The following PPP3CA variants were observed in gnomAD, a reference collection of about 807,000 sequenced individuals.
PPP3CA encodes CAM-PRP catalytic subunit.
In PPP3CA, 14 loss-of-function variants were observed where a neutral mutation model predicts 66.5. The ratio of observed to expected loss-of-function variants is 0.21; its 90% CI spans 0.14 to 0.33. PPP3CA has a LOEUF of 0.33. PPP3CA is among the 10% of genes least tolerant of loss of function. PPP3CA has a pLI of 1.00. For missense variants in PPP3CA, 317 were observed against 639.5 expected (o/e 0.50, Z 5.44); for synonymous variants, 232 against 226.2 (o/e 1.03, Z -0.23).
chr4:101,276,437 G>T (rs1727497199), intron 1 of PPP3CA, among the ~76,000 whole-genome samples: 1 of 152,126 alleles, frequency 6.6e-6, no homozygotes, highest in Admixed American at 6.5e-5. Context: ...AAATTAAACA[G>T]TTTAAAATAG....
chr4:101,107,012 T>C (rs1560605692), intron 3 of PPP3CA, among the ~76,000 whole-genome samples: 1 of 152,212 alleles, frequency 6.6e-6, no homozygotes, highest in Non-Finnish European at 1.5e-5. Flanking sequence ...CCTAATGTGA[T>C]ATAAAGGTCT....
At position 101,032,386 on chromosome 4, in the gene PPP3CA, G is replaced by A. The variant is rs371357714; in HGVS notation, c.1242-22C>T. 5.7e-6 allele frequency: 9 copies of A among 1,574,364 alleles called. No individual in the cohort carries two copies. The East Asian group carries it at 1.1e-4, about 20-fold the overall frequency. On this transcript the variant is annotated intron_variant, in intron 11 of 13. Coordinates refer to ENST00000394854, the MANE Select transcript of PPP3CA (RefSeq NM_000944.5). ...TTCTCTGGAAGGCACAATGAGGGGC[G>A]ACATTAACTTTTAATTTCTTTTGTG...
At chr4:101,124,701 GAA>G (rs1467156012) in intron 2 of PPP3CA, among the ~76,000 whole-genome samples, 93 of 94,358 alleles carry the variant, frequency 9.9e-4, no homozygotes, top group African/African-American at 3.9e-3. Context: ...AAGAAAGAAA[GAA>G]AGAAAGAAAG....
At chr4:101,165,185 A>T (rs1723653099) in intron 2 of PPP3CA, among the ~76,000 whole-genome samples, 2 of 152,142 alleles carry the variant, frequency 1.3e-5, no homozygotes, top group African/African-American at 4.8e-5. Flanking sequence ...ATGTTGGATG[A>T]CTCTTATAAT....
chr4:101,163,675 C>G (rs1723594227), intron 2 of PPP3CA, among the ~76,000 whole-genome samples: 1 of 152,160 alleles, frequency 6.6e-6, no homozygotes, highest in African/African-American at 2.4e-5. Flanking sequence ...GTTATGGAAG[C>G]ACAGCAGTAG....
At chr4:101,040,024 T>C (rs1472888002) in intron 11 of PPP3CA, among the ~76,000 whole-genome samples, 1 of 106,034 alleles carries the variant, frequency 9.4e-6, no homozygotes, top group African/African-American at 3.2e-5. Flanking sequence ...AAACAGTAAT[T>C]TTTCTCTCAA....
At chr4:101,103,396 C>A (rs887777897) in intron 3 of PPP3CA, among the ~76,000 whole-genome samples, 3 of 152,196 alleles carry the variant, frequency 2.0e-5, no homozygotes, top group Non-Finnish European at 2.9e-5. Context: ...AATGTAGCTC[C>A]TCTAAGACAT....
intron 2 of PPP3CA, among the ~76,000 whole-genome samples, chr4:101,139,353 A>G (rs2110289874): frequency 6.6e-6 from 1 of 151,656 alleles, no homozygotes; most frequent in African/African-American, 2.4e-5. Context: ...GTCTCAAAAA[A>G]AAAAAAAAAA....
At chr4:101,099,520 G>T in intron 4 of PPP3CA, 91 bp downstream of exon 4, 1 of 613,518 alleles carries the variant, frequency 1.6e-6, no homozygotes, top group Non-Finnish European at 2.7e-6. Context: ...TTGACTTTAG[G>T]CAATAGATCA....
At chr4:101,130,019 T>G (rs1722378017) in intron 2 of PPP3CA, among the ~76,000 whole-genome samples, 1 of 151,974 alleles carries the variant, frequency 6.6e-6, no homozygotes, top group Non-Finnish European at 1.5e-5. Flanking sequence ...GTTAGAGGAA[T>G]TGCTAACTAG....
intron 1 of PPP3CA, among the ~76,000 whole-genome samples, chr4:101,307,319 C>A (rs1312151632): frequency 6.6e-6 from 1 of 152,056 alleles, no homozygotes; most frequent in African/African-American, 2.4e-5. Flanking sequence ...TCTGCAGGAA[C>A]TGAAACACAG....
intron 2 of PPP3CA, among the ~76,000 whole-genome samples, chr4:101,125,696 C>T (rs371257437): frequency 2.0e-5 from 3 of 152,168 alleles, no homozygotes; most frequent in East Asian, 1.9e-4. Flanking sequence ...TTGCAGTAGC[C>T]ATTCCAGTGC....
In PPP3CA at chr4:101,333,994, G is replaced by A. The variant is rs113265110; in HGVS notation, c.58+12745C>T. Among the ~76,000 whole-genome samples the A allele has an allele frequency of 7.6e-3, 1,151 of 152,290 alleles. 13 individuals are homozygous for A. The highest frequency in any genetic ancestry group is 0.026 in the African/African-American group (1,099 of 41,562). On this transcript the variant is annotated intron_variant, in intron 1 of 13. Transcript: ENST00000394854. ...TGGGCACTAAAAGTCTGACACATACGTGAGCAGGATGGGTAGATGGATGGC... is the reference window on the plus strand; with the variant it reads ...TGGGCACTAAAAGTCTGACACATACATGAGCAGGATGGGTAGATGGATGGC...
intron 1 of PPP3CA, among the ~76,000 whole-genome samples, chr4:101,305,882 CA>C (rs58844388): frequency 0.1 from 15,691 of 152,036 alleles, 2,757 homozygotes; most frequent in African/African-American, 0.36. Context: ...AGGAAAGTAC[CA>C]AAATATAATC....
chr4:101,035,876 C>G (rs1425175593), intron 11 of PPP3CA, among the ~76,000 whole-genome samples: 1 of 152,088 alleles, frequency 6.6e-6, no homozygotes, highest in Admixed American at 6.6e-5. Flanking sequence ...GACTCTTTGC[C>G]CTAGGTGTTG....
intron 9 of PPP3CA, among the ~76,000 whole-genome samples, chr4:101,062,938 G>A (rs1728534785): frequency 6.6e-6 from 1 of 151,762 alleles, no homozygotes; most frequent in Non-Finnish European, 1.5e-5. Flanking sequence ...CTTGAAACCA[G>A]GTAAACCTGT....
chr4:101,050,702 G>A (rs192455014), intron 10 of PPP3CA, among the ~76,000 whole-genome samples: 17 of 152,282 alleles, frequency 1.1e-4, no homozygotes, highest in African/African-American at 1.4e-4. Flanking sequence ...TACTTCACTC[G>A]TGGTGGCAGA....
intron 12 of PPP3CA, among the ~76,000 whole-genome samples, chr4:101,030,774 A>G (rs1382382591): frequency 1.3e-5 from 2 of 152,160 alleles, no homozygotes; most frequent in East Asian, 3.8e-4. Flanking sequence ...CGAATGTTAA[A>G]TGAACACTAT....
intron 4 of PPP3CA, among the ~76,000 whole-genome samples, chr4:101,098,932 C>A (rs1180024281): frequency 1.3e-5 from 2 of 152,132 alleles, no homozygotes; most frequent in East Asian, 1.9e-4. Flanking sequence ...TATCTTACTG[C>A]ACATTGCTTT....
Sources: allele counts gnomAD v4.1 joint callset (sites outside exome capture counted in the v4.1 genomes callset), GRCh38; gene constraint gnomAD v4.1.1; transcripts MANE v1.5; gene names NCBI Gene and HGNC (gene_info 2026-07-23, HGNC 2026-07-21).